Variants in STARD13 observed in about 807,000 individuals in gnomAD.
STARD13 encodes the protein stAR-related lipid transfer protein 13.
In STARD13, 62 loss-of-function variants were observed where a neutral mutation model predicts 106.4. The ratio of observed to expected loss-of-function variants is 0.58; its 90% confidence interval spans 0.48 to 0.72. The LOEUF is 0.72. Among genes scored for constraint, STARD13 ranks in the 30% least tolerant of loss-of-function variants. The probability of loss-of-function intolerance (pLI) is 0.00; values close to 1 mark genes in which losing one functional copy is unlikely to be tolerated. For synonymous variants in STARD13, 565 were observed against 553.0 expected, an observed-to-expected ratio of 1.02 and a Z score of -0.31; for missense variants, 1,387 against 1,424.0, an observed-to-expected ratio of 0.97 and a Z score of 0.42.
the STARD13 span, among the ~76,000 whole-genome samples, chr13:33,474,521 T>C: frequency 2.0e-4 from 31 of 152,322 alleles, no homozygotes; most frequent in Middle Eastern, 6.8e-3. Flanking sequence ...GACTTATAAA[T>C]GAAAGAATGC....
intron 1 of STARD13, among the ~76,000 whole-genome samples, chr13:33,222,785 T>A (rs1214908865): frequency 6.6e-6 from 1 of 152,262 alleles, no homozygotes; most frequent in East Asian, 1.9e-4. Flanking sequence ...TCTCAGCCAT[T>A]TGAAATGTTC....
At chr13:33,634,703 G>A in the STARD13 span, among the ~76,000 whole-genome samples, 5 of 150,058 alleles carry the variant, frequency 3.3e-5, no homozygotes, top group Non-Finnish European at 5.9e-5. Flanking sequence ...GCCCTGCCCC[G>A]CCGCCACACA....
chr13:33,323,565 A>G (rs1893635431), intron 1 of STARD13, among the ~76,000 whole-genome samples: 1 of 152,190 alleles, frequency 6.6e-6, no homozygotes, highest in South Asian at 2.1e-4. Context: ...GACTTGCCCA[A>G]AAAAGACACT....
At chr13:33,400,598 C>T in the STARD13 span, among the ~76,000 whole-genome samples, 2 of 152,090 alleles carry the variant, frequency 1.3e-5, no homozygotes, top group Admixed American at 6.5e-5. Context: ...GTTGCTGGGA[C>T]TACAGGCGCC....
At chr13:33,210,229 A>G (rs1339877326) in intron 1 of STARD13, among the ~76,000 whole-genome samples, 1 of 152,242 alleles carries the variant, frequency 6.6e-6, no homozygotes, top group Non-Finnish European at 1.5e-5. Context: ...ACTGCACATC[A>G]AGGGAGGAGC....
At chr13:33,169,533 A>G (rs1275280380) in intron 1 of STARD13, among the ~76,000 whole-genome samples, 1 of 152,212 alleles carries the variant, frequency 6.6e-6, no homozygotes. Flanking sequence ...GAAAACACCT[A>G]ATTTCTAGAC....
At chr13:33,647,888 T>C in the STARD13 span, among the ~76,000 whole-genome samples, 2 of 152,102 alleles carry the variant, frequency 1.3e-5, no homozygotes, top group African/African-American at 2.4e-5. Context: ...TCAAATAATA[T>C]ACAATTAAAT....
rs373487435 is a variant in STARD13, at chr13:33,112,913, C to T, written c.2300G>A (p.Arg767Gln). ...HIYQYVSKEQ[R>Q]LQAVQAAILL... is the part of the protein sequence containing the mutation. ...GATGGCAGCCTGCACGGCCTGCAGCCGCTGCTCTTTGGAGACATCTGAGGA... is the reference window on the plus strand; with the variant it reads ...GATGGCAGCCTGCACGGCCTGCAGCTGCTGCTCTTTGGAGACATCTGAGGA... The change falls in exon 9 of 14, where the codon CGG becomes CAG. Residue 767 changes from arginine (R) to glutamine (Q), a missense_variant. Coordinates refer to ENST00000336934, the MANE Select transcript of STARD13 (RefSeq NM_178006.4). 46 of 1,610,744 alleles carry T rather than the reference C, an allele frequency of 2.9e-5. No individual in the cohort carries two copies. The highest frequency in any genetic ancestry group is 4.4e-5 in the South Asian group (4 of 90,330).
At chr13:33,368,654 A>C in the STARD13 span, among the ~76,000 whole-genome samples, 2 of 152,164 alleles carry the variant, frequency 1.3e-5, no homozygotes, top group African/African-American at 4.8e-5. Flanking sequence ...ACATAGGAAC[A>C]AAAGGGCCTG....
At chr13:33,309,019 A>G (rs572765576) in intron 1 of STARD13, among the ~76,000 whole-genome samples, 1 of 152,300 alleles carries the variant, frequency 6.6e-6, no homozygotes, top group South Asian at 2.1e-4. Context: ...TCTCTCATAA[A>G]CTACATTATT....
chr13:33,179,781 G>C (rs114237802), intron 1 of STARD13, among the ~76,000 whole-genome samples: 481 of 152,352 alleles, frequency 3.2e-3, no homozygotes, highest in African/African-American at 0.011. Flanking sequence ...TCTCAGAGCA[G>C]GAGGGGGCAT....
chr13:33,590,834 A>G, the STARD13 span, among the ~76,000 whole-genome samples: 2 of 152,168 alleles, frequency 1.3e-5, no homozygotes, highest in Non-Finnish European at 2.9e-5. Context: ...GTGCACATGT[A>G]CCCTAGAACT....
chr13:33,186,944 C>G (rs182764357), intron 1 of STARD13, among the ~76,000 whole-genome samples: 3 of 152,202 alleles, frequency 2.0e-5, no homozygotes, highest in African/African-American at 7.2e-5. Flanking sequence ...TTCACAGCAA[C>G]GCTCTTAAGT....
intron 1 of STARD13, among the ~76,000 whole-genome samples, chr13:33,321,600 A>C (rs749016423): frequency 6.6e-6 from 1 of 152,200 alleles, no homozygotes. Flanking sequence ...ATCTTATTTA[A>C]TACTCATTCA....
intron 7 of STARD13, among the ~76,000 whole-genome samples, chr13:33,125,863 A>C (rs1877077638): frequency 6.6e-6 from 1 of 152,048 alleles, no homozygotes; most frequent in South Asian, 2.1e-4. Flanking sequence ...TTCCCCAGTC[A>C]CTCCAGGTCA....
chr13:33,563,941 C>T, the STARD13 span, among the ~76,000 whole-genome samples: 1 of 147,184 alleles, frequency 6.8e-6, no homozygotes, highest in African/African-American at 2.5e-5. Context: ...CCTATAATCC[C>T]GGCACTTTGG....
chr13:33,149,261 G>A (rs1446438030), intron 3 of STARD13, among the ~76,000 whole-genome samples: 1 of 152,110 alleles, frequency 6.6e-6, no homozygotes, highest in African/African-American at 2.4e-5. Context: ...GTCTGGTGGG[G>A]GATGTTGATA....
At position 33,262,662 on chromosome 13, in the gene STARD13, A is replaced by ACACACAACAC. The variant is rs5802678; in HGVS notation, c.169+22807_169+22808insGTGTTGTGTG. 1.3e-3 allele frequency among the ~76,000 whole-genome samples: 148 copies of ACACACAACAC among 114,974 alleles called. 1 individual carries two copies. The highest frequency in any genetic ancestry group is 2.2e-3 in the Admixed American group (24 of 10,832). 75.4% of individuals were successfully genotyped at this position (114,974 alleles called of 152,430 possible). Reference sequence around the variant, plus strand: ...AACCCCCCCCCCCACACACACACACAACACACACACACACACACACACACA... The same window carrying ACACACAACAC: ...AACCCCCCCCCCCACACACACACACACACACAACACACACACACACACACACACACACACA... On this transcript the variant is annotated intron_variant, in intron 1 of 13. Transcript: ENST00000336934.
At chr13:33,482,509 G>T in the STARD13 span, among the ~76,000 whole-genome samples, 7 of 152,190 alleles carry the variant, frequency 4.6e-5, no homozygotes, top group South Asian at 4.2e-4. Context: ...TATAAAGATA[G>T]ATTTTTAATC....
Sources: gnomAD v4.1 joint callset for allele counts (sites outside exome capture counted in the v4.1 genomes callset) on GRCh38, gnomAD v4.1.1 for gene constraint, MANE v1.5 for transcripts, NCBI Gene and HGNC (gene_info 2026-07-23, HGNC 2026-07-21) for gene names.